Variants in TTC7B observed in about 807,000 individuals in gnomAD.
TTC7B encodes tetratricopeptide repeat protein 7B.
In TTC7B, 28 loss-of-function variants were observed where a neutral mutation model predicts 106.8. The ratio of observed to expected loss-of-function variants is 0.26; its 90% CI spans 0.19 to 0.36. The LOEUF is 0.36. Ranked by LOEUF, TTC7B falls within the 10% of genes least tolerant of loss-of-function variation. The probability of loss-of-function intolerance (pLI) is 1.00; values close to 1 mark genes in which losing one functional copy is unlikely to be tolerated. For missense variants in TTC7B, 862 were observed against 1,076.4 expected (o/e 0.80, Z 2.79); for synonymous variants, 405 against 430.6 (o/e 0.94, Z 0.74).
intron 19 of TTC7B, among the ~76,000 whole-genome samples, chr14:90,552,219 A>G (rs1890113985): frequency 6.6e-6 from 1 of 152,214 alleles, no homozygotes; most frequent in Non-Finnish European, 1.5e-5. Flanking sequence ...GGTGGGACTC[A>G]CACGCTGCCA....
chr14:90,698,870 A>T (rs553191661), intron 5 of TTC7B: 3 of 281,784 alleles, frequency 1.1e-5, no homozygotes, highest in African/African-American at 4.6e-5. Context: ...CCTTGCTCTC[A>T]TTCAAATCCT....
chr14:90,639,565 G>C (rs1231402115), intron 15 of TTC7B, among the ~76,000 whole-genome samples: 2 of 152,304 alleles, frequency 1.3e-5, no homozygotes, highest in African/African-American at 4.8e-5. Context: ...GAACCACAGG[G>C]CTCTTGAGCG....
intron 19 of TTC7B, among the ~76,000 whole-genome samples, chr14:90,550,315 G>A (rs1890022550): frequency 6.6e-6 from 1 of 152,192 alleles, no homozygotes; most frequent in Non-Finnish European, 1.5e-5. Context: ...GGACCGAACT[G>A]TAATGCACCT....
At chr14:90,581,899 G>A (rs1891511229) in intron 18 of TTC7B, among the ~76,000 whole-genome samples, 2 of 152,114 alleles carry the variant, frequency 1.3e-5, no homozygotes, top group South Asian at 2.1e-4. Flanking sequence ...AGACACAGAC[G>A]GAACGAAGTC....
At position 90,730,038 on chromosome 14, in the gene TTC7B, T is replaced by C. The variant is rs369971062; in HGVS notation, c.698+37A>G. 2.5e-5 allele frequency: 40 copies of C among 1,581,250 alleles called. No homozygotes were observed. In the African/African-American group the frequency reaches 4.7e-4, roughly 18 times the overall value. ...ATTGTAAGGCTTTCTACTTTCCTTC[T>C]TTAGGAAGTGGATTTAAAAAAATGA... On this transcript the variant is annotated intron_variant, in intron 5 of 19. Coordinates refer to ENST00000328459, the MANE Select transcript of TTC7B (RefSeq NM_001010854.2).
At chr14:90,789,460 T>G (rs2140044155) in intron 1 of TTC7B, among the ~76,000 whole-genome samples, 1 of 152,136 alleles carries the variant, frequency 6.6e-6, no homozygotes, top group South Asian at 2.1e-4. Context: ...CGGTGGCTCA[T>G]GCCTATAATC....
At chr14:90,662,238 GC>G (rs1566824710) in intron 9 of TTC7B, among the ~76,000 whole-genome samples, 1 of 152,258 alleles carries the variant, frequency 6.6e-6, no homozygotes, top group East Asian at 1.9e-4. Context: ...CTCTGAATCT[GC>G]AGGTAGGGAG....
At chr14:90,647,312 C>T (rs765245066) in intron 13 of TTC7B, 18 of 361,290 alleles carry the variant, frequency 5.0e-5, no homozygotes, top group Non-Finnish European at 9.5e-5. Context: ...GTGAAGAATC[C>T]ATAGGCCCTG....
chr14:90,653,607 A>G (rs1343512167), intron 12 of TTC7B, among the ~76,000 whole-genome samples: 2 of 152,246 alleles, frequency 1.3e-5, no homozygotes, highest in Non-Finnish European at 2.9e-5. Flanking sequence ...AGGGCAAGAG[A>G]AAAAGTCCTG....
intron 3 of TTC7B, among the ~76,000 whole-genome samples, chr14:90,745,297 C>CAAA (rs71461925): frequency 1.0e-4 from 11 of 108,734 alleles, no homozygotes; most frequent in African/African-American, 1.3e-4. Flanking sequence ...CCCTGTCTCC[C>CAAA]AAAAAAAAAA....
intron 5 of TTC7B, among the ~76,000 whole-genome samples, chr14:90,696,901 C>T (rs1252131146): frequency 6.6e-6 from 1 of 152,196 alleles, no homozygotes; most frequent in Non-Finnish European, 1.5e-5. Flanking sequence ...CTGCTTTCTC[C>T]TTCATTTGTT....
At position 90,538,280 on chromosome 14, in the gene TTC7B, AT is replaced by A. The variant is rs879863977; in HGVS notation, c.*3087del. The A allele has an allele frequency of 1.4e-5, 2 of 147,094 alleles. No homozygotes were observed. Among genetic ancestry groups the A allele is most frequent in the Non-Finnish European group, 2.9e-5 (2 of 67,868 alleles). 9.1% of individuals were successfully genotyped at this position (147,094 alleles called of 1,614,324 possible). On this transcript the variant is annotated 3_prime_UTR_variant, in exon 20 of 20. Coordinates refer to ENST00000328459, the MANE Select transcript of TTC7B (RefSeq NM_001010854.2). ...GATGGATGGATGGATGGATGGATGG[AT>A]GGACGGACGGACGGACGGGTGGACG...
chr14:90,543,987 C>G (rs964347352), intron 19 of TTC7B, among the ~76,000 whole-genome samples: 16 of 152,224 alleles, frequency 1.1e-4, no homozygotes, highest in African/African-American at 3.9e-4. Flanking sequence ...AAGCCCCCAA[C>G]AGGGGAGCTG....
chr14:90,792,037 C>T (rs10129709), intron 1 of TTC7B, among the ~76,000 whole-genome samples: 20,600 of 152,176 alleles, frequency 0.14, 1,670 homozygotes, highest in Non-Finnish European at 0.18. Flanking sequence ...AAACAGAATT[C>T]CCAGAACCCA....
At chr14:90,589,315 G>T (rs533534765) in intron 18 of TTC7B, among the ~76,000 whole-genome samples, 2 of 152,282 alleles carry the variant, frequency 1.3e-5, no homozygotes, top group African/African-American at 4.8e-5. Flanking sequence ...GACCTCCCTT[G>T]AATACCAAAA....
intron 7 of TTC7B, among the ~76,000 whole-genome samples, chr14:90,683,910 CATTTT>C (rs1224765508): frequency 6.6e-6 from 1 of 152,138 alleles, no homozygotes; most frequent in Non-Finnish European, 1.5e-5. Context: ...CTCTGCTTTC[CATTTT>C]ATTTTATTTA....
In TTC7B at chr14:90,703,343, ACCCTGTCCATC is replaced by A. The variant is rs948011469; in HGVS notation, c.699-7776_699-7766del. On this transcript the variant is annotated intron_variant, in intron 5 of 19. Coordinates refer to ENST00000328459, the MANE Select transcript of TTC7B (RefSeq NM_001010854.2). ...TCACATAGGAAAAGAACTTCTGGCC[ACCCTGTCCATC>A]CCCTCGACTGGGCTATGGAGAGGAA... 9.2e-5 allele frequency among the ~76,000 whole-genome samples: 14 copies of A among 152,206 alleles called. 1 individual carries two copies. The highest frequency in any genetic ancestry group is 7.2e-4 in the Admixed American group (11 of 15,280).
intron 3 of TTC7B, among the ~76,000 whole-genome samples, chr14:90,754,169 C>T (rs1326076523): frequency 6.6e-6 from 1 of 152,194 alleles, no homozygotes; most frequent in Non-Finnish European, 1.5e-5. Context: ...GAAACTAGGG[C>T]TCTAGTCTGT....
intron 19 of TTC7B, among the ~76,000 whole-genome samples, chr14:90,563,470 T>C (rs1456439188): frequency 6.6e-6 from 1 of 152,264 alleles, no homozygotes; most frequent in East Asian, 1.9e-4. Flanking sequence ...AACAATCATG[T>C]GACCCTCAGC....
Sources: gnomAD v4.1 joint callset for allele counts (sites outside exome capture counted in the v4.1 genomes callset) on GRCh38, gnomAD v4.1.1 for gene constraint, MANE v1.5 for transcripts, NCBI Gene and HGNC (gene_info 2026-07-23, HGNC 2026-07-21) for gene names.